NTRK2: variants seen among roughly 807,000 people sequenced by gnomAD.
NTRK2 encodes neurotrophic receptor tyrosine kinase 2.
A neutral mutation model predicts 94.5 loss-of-function variants in NTRK2; 13 were observed. The observed-to-expected ratio is 0.14, with a 90% CI of 0.09 to 0.22. The LOEUF (loss-of-function observed/expected upper bound fraction) is 0.22. Among genes scored for constraint, NTRK2 ranks in the 10% least tolerant of loss-of-function variants. The probability of loss-of-function intolerance (pLI) is 1.00; values close to 1 mark genes in which losing one functional copy is unlikely to be tolerated. For synonymous variants in NTRK2, 372 were observed against 407.4 expected (o/e 0.91, Z 1.05); for missense variants, 639 against 1,071.2 (o/e 0.60, Z 5.63).
intron 17 of NTRK2, among the ~76,000 whole-genome samples, chr9:85,003,759 G>A (rs1830573946): frequency 6.6e-6 from 1 of 151,770 alleles, no homozygotes; most frequent in African/African-American, 2.4e-5. Context: ...AGGCTACTGT[G>A]AGGATCCGGG....
At chr9:85,016,310 T>C (rs1410068815) in intron 17 of NTRK2, among the ~76,000 whole-genome samples, 2 of 152,104 alleles carry the variant, frequency 1.3e-5, no homozygotes, top group African/African-American at 2.4e-5. Flanking sequence ...AAAATAAAAA[T>C]TGCAAGTCCA....
chr9:84,844,943 A>G (rs1312550570), intron 12 of NTRK2, among the ~76,000 whole-genome samples: 1 of 152,206 alleles, frequency 6.6e-6, no homozygotes, highest in East Asian at 1.9e-4. Context: ...ATAATTTAAA[A>G]GTCAAAAAAC....
rs71369159 is a variant in NTRK2, at chr9:84,888,982, ATTTTTT to A, written c.1633+21572_1633+21577del. On this transcript the variant is annotated intron_variant, in intron 14 of 18. Coordinates refer to ENST00000277120, the MANE Select transcript of NTRK2 (RefSeq NM_006180.6). ...TCCCCATTATTTATTAATGACAGAA[ATTTTTT>A]TTTTTTTTTTTTTTTTTTTTGAGAC... 5.9e-5 allele frequency among the ~76,000 whole-genome samples: 6 copies of A among 101,684 alleles called. 2 individuals carry two copies. Among genetic ancestry groups the A allele is most frequent in the East Asian group, 5.7e-4 (2 of 3,496 alleles). The allele number at this position is 101,684 out of a possible 152,430, so 66.7% of individuals were successfully genotyped here.
At chr9:84,823,251 C>T (rs557609209) in intron 12 of NTRK2, among the ~76,000 whole-genome samples, 9 of 152,298 alleles carry the variant, frequency 5.9e-5, no homozygotes, top group African/African-American at 1.7e-4. Flanking sequence ...ACTAAAACCA[C>T]GAGTGATTTT....
Position 85,023,941 on chromosome 9 carries a change from G to A in NTRK2, c.*2504G>A, listed in dbSNP as rs556101413. 2 of 229,548 alleles carry A rather than the reference G, an allele frequency of 8.7e-6. No homozygotes were observed. Among genetic ancestry groups the A allele is most frequent in the Non-Finnish European group, 1.7e-5 (2 of 115,942 alleles). The allele number at this position is 229,548 out of a possible 1,614,324, so 14.2% of individuals were successfully genotyped here. A position where few individuals can be genotyped will look rare whatever the true frequency, so the allele number is the denominator to read the frequency against. ...ATGTGCAATTTTAGAGCAAAGATTT[G>A]TTTAAGGCAAATGAGACTTTGGGAG... On this transcript the variant is annotated 3_prime_UTR_variant, in exon 19 of 19. Transcript: ENST00000277120.
At chr9:84,897,313 T>C (rs1412336850) in intron 14 of NTRK2, among the ~76,000 whole-genome samples, 1 of 152,126 alleles carries the variant, frequency 6.6e-6, no homozygotes, top group Non-Finnish European at 1.5e-5. Flanking sequence ...ATTTTTGTAT[T>C]TTTAGTAGAG....
Position 84,844,645 on chromosome 9 carries a change from T to TCA in NTRK2, c.1397-16393_1397-16392dup, listed in dbSNP as rs1437884217. ...CAAATGAAAACTACAATGTAATACC[T>TCA]CACTCACACACACACACACACACAC... On this transcript the variant is annotated intron_variant, in intron 12 of 18. Coordinates refer to ENST00000277120, the MANE Select transcript of NTRK2 (RefSeq NM_006180.6). Among the ~76,000 whole-genome samples the TCA allele has an allele frequency of 6.6e-3, 675 of 101,668 alleles. 6 individuals are homozygous for TCA. The highest frequency in any genetic ancestry group is 0.042 in the Admixed American group (343 of 8,260). The allele number at this position is 101,668 out of a possible 152,430, so 66.7% of individuals were successfully genotyped here. A position where few individuals can be genotyped will look rare whatever the true frequency, so the allele number is the denominator to read the frequency against.
chr9:84,670,547 G>A lies in NTRK2; in HGVS notation c.-202G>A. On this transcript the variant is annotated 5_prime_UTR_variant, in exon 2 of 19. Transcript: ENST00000277120. ...CTGTAAAGCGGTTCGCTATGCCGGG[G>A]CCACTGTGAACCCTGCCGCCTGCCG... 1.6e-6 allele frequency: 1 copy of A among 611,690 alleles called. No individual in the cohort carries two copies. The highest frequency in any genetic ancestry group is 2.9e-6 in the Non-Finnish European group (1 of 345,098). 37.9% of individuals were successfully genotyped at this position (611,690 alleles called of 1,614,324 possible). A position where few individuals can be genotyped will look rare whatever the true frequency, so the allele number is the denominator to read the frequency against.
At chr9:84,817,485 A>G (rs1287768316) in intron 12 of NTRK2, among the ~76,000 whole-genome samples, 1 of 152,206 alleles carries the variant, frequency 6.6e-6, no homozygotes, top group Non-Finnish European at 1.5e-5. Context: ...CCAATATTCT[A>G]ATAGTTCCAT....
chr9:84,968,964 A>T (rs1352287749), intron 17 of NTRK2, among the ~76,000 whole-genome samples: 1 of 152,162 alleles, frequency 6.6e-6, no homozygotes, highest in Admixed American at 6.6e-5. Context: ...TGGGCCCAAG[A>T]TGTTGCTGTG....
At chr9:84,769,111 G>A (rs886628181) in intron 12 of NTRK2, among the ~76,000 whole-genome samples, 15 of 152,164 alleles carry the variant, frequency 9.9e-5, no homozygotes, top group Admixed American at 6.5e-4. Flanking sequence ...GATCTTTGTC[G>A]TAGGGTGTAC....
chr9:84,966,266 A>G (rs1825545578), intron 17 of NTRK2, among the ~76,000 whole-genome samples: 1 of 152,230 alleles, frequency 6.6e-6, no homozygotes, highest in African/African-American at 2.4e-5. Context: ...GCTTGGTCAC[A>G]CATCTGAATA....
chr9:84,785,436 T>C (rs1366159674), intron 12 of NTRK2, among the ~76,000 whole-genome samples: 1 of 152,186 alleles, frequency 6.6e-6, no homozygotes, highest in Non-Finnish European at 1.5e-5. Context: ...CTGCTATATG[T>C]ACATGTGGAG....
intron 12 of NTRK2, among the ~76,000 whole-genome samples, chr9:84,844,649 TCACACACACACACACACA>T (rs10562034): frequency 9.9e-5 from 14 of 140,824 alleles, no homozygotes; most frequent in Admixed American, 2.1e-4. Flanking sequence ...AATACCTCAC[TCACACACACACACACACA>T]CACACACACA....
At chr9:84,948,975 G>A (rs1769093928) in intron 16 of NTRK2, among the ~76,000 whole-genome samples, 2 of 152,140 alleles carry the variant, frequency 1.3e-5, no homozygotes, top group South Asian at 4.1e-4. Context: ...TAAAGGCAAA[G>A]GAAACAGGAA....
At chr9:84,986,961 G>A (rs1174674305) in intron 17 of NTRK2, among the ~76,000 whole-genome samples, 1 of 152,196 alleles carries the variant, frequency 6.6e-6, no homozygotes, top group Non-Finnish European at 1.5e-5. Flanking sequence ...TGAAACACAG[G>A]TGATTTCACG....
At chr9:84,682,839 TA>T (rs1443866275) in intron 2 of NTRK2, among the ~76,000 whole-genome samples, 2 of 152,218 alleles carry the variant, frequency 1.3e-5, no homozygotes, top group East Asian at 3.8e-4. Flanking sequence ...TGTTTCTGGA[TA>T]AACATATGTA....
intron 2 of NTRK2, among the ~76,000 whole-genome samples, chr9:84,679,381 G>C (rs938348606): frequency 2.0e-5 from 3 of 152,118 alleles, no homozygotes; most frequent in Non-Finnish European, 4.4e-5. Context: ...AAGAAATCTT[G>C]ACTTGTGTAC....
At chr9:84,769,423 A>T (rs951264015) in intron 12 of NTRK2, among the ~76,000 whole-genome samples, 7 of 152,214 alleles carry the variant, frequency 4.6e-5, no homozygotes, top group African/African-American at 1.4e-4. Flanking sequence ...CTTTCTATAG[A>T]TAAAGATGTA....
Sources: allele counts gnomAD v4.1 joint callset (sites outside exome capture counted in the v4.1 genomes callset), GRCh38; gene constraint gnomAD v4.1.1; transcripts MANE v1.5; gene names NCBI Gene and HGNC (gene_info 2026-07-23, HGNC 2026-07-21).